The following DOCK8 variants were observed in gnomAD, a reference collection of about 807,000 sequenced individuals.
DOCK8 encodes the protein dedicator of cytokinesis protein 8.
DOCK8 carries 141 observed loss-of-function variants against 245.6 expected under a neutral mutation model. That is an observed-to-expected ratio of 0.57 (90% CI 0.50 to 0.66). The LOEUF is 0.66. Ranked by LOEUF, DOCK8 falls within the 30% of genes least tolerant of loss-of-function variation. The pLI, the probability that DOCK8 is intolerant of heterozygous loss-of-function variation, is 0.00. For synonymous variants in DOCK8, 1,168 were observed against 970.2 expected, an observed-to-expected ratio of 1.20 and a Z score of -3.79; for missense variants, 2,965 against 2,603.4, an observed-to-expected ratio of 1.14 and a Z score of -3.02.
At chr9:348,438 A>G (rs1244046598) in intron 14 of DOCK8, among the ~76,000 whole-genome samples, 1 of 152,188 alleles carries the variant, frequency 6.6e-6, no homozygotes, top group East Asian at 1.9e-4. Flanking sequence ...TACAGCCCAT[A>G]TAGAACGGTC....
intron 4 of DOCK8, among the ~76,000 whole-genome samples, chr9:293,603 T>C (rs1417361176): frequency 6.6e-6 from 1 of 152,212 alleles, no homozygotes; most frequent in African/African-American, 2.4e-5. Flanking sequence ...TGCAACACCT[T>C]CTTATCTTTA....
chr9:281,456 G>A (rs2048581575), intron 2 of DOCK8, among the ~76,000 whole-genome samples: 1 of 152,126 alleles, frequency 6.6e-6, no homozygotes, highest in South Asian at 2.1e-4. Context: ...TAATTTTCAT[G>A]TTTGGCTTTT....
At chr9:365,444 C>G (rs941070732) in intron 14 of DOCK8, 4 of 376,766 alleles carry the variant, frequency 1.1e-5, no homozygotes, top group African/African-American at 4.3e-5. Context: ...AGAGTTTGTA[C>G]TTGATAAGGT....
chr9:225,852 AG>A (rs1281062907), intron 1 of DOCK8, among the ~76,000 whole-genome samples: 1 of 152,156 alleles, frequency 6.6e-6, no homozygotes, highest in African/African-American at 2.4e-5. Context: ...AAGATCAAGC[AG>A]GGGAATGACG....
chr9:400,261 A>AGCT (rs2054807836), intron 26 of DOCK8, among the ~76,000 whole-genome samples: 4 of 75,912 alleles, frequency 5.3e-5, no homozygotes, highest in Admixed American at 2.7e-4. Flanking sequence ...CATCACCACC[A>AGCT]CCTCCACCAT....
intron 4 of DOCK8, among the ~76,000 whole-genome samples, chr9:301,699 C>G (rs1327484706): frequency 3.3e-5 from 5 of 152,172 alleles, no homozygotes; most frequent in African/African-American, 1.2e-4. Flanking sequence ...TTTCCACACA[C>G]CAATAATGTC....
chr9:280,712 A>G (rs556869392), intron 2 of DOCK8: 2 of 152,208 alleles, frequency 1.3e-5, no homozygotes, highest in South Asian at 2.1e-4. Context: ...TCACAGAAGC[A>G]CCTAAATGAC....
upstream of DOCK8, chr9:213,900 T>G (rs1233547449): frequency 2.0e-5 from 3 of 151,800 alleles, no homozygotes; most frequent in Non-Finnish European, 4.4e-5. Flanking sequence ...GCTAATTTTT[T>G]GTATTTTAGT....
Position 399,505 on chromosome 9 carries a change from TAAA to T in DOCK8, c.3234+248_3234+250del, listed in dbSNP as rs111424934. On this transcript the variant is annotated intron_variant, in intron 26 of 47. Transcript: ENST00000432829. ...GGTCAACAGATTCATCTGTGGGAAT[TAAA>T]ATTTGTGATATGATCTGAATCTTCA... is the stretch of plus-strand genomic sequence containing the variant. Among the ~76,000 whole-genome samples the T allele has an allele frequency of 0.083, 12,613 of 152,062 alleles. 1,019 individuals are homozygous for T. The highest frequency in any genetic ancestry group is 0.22 in the African/African-American group (8,934 of 41,382).
intron 43 of DOCK8, 57 bp downstream of exon 43, chr9:443,573 C>G: frequency 7.5e-7 from 1 of 1,330,040 alleles, no homozygotes; most frequent in Non-Finnish European, 1.1e-6. Context: ...CGTTCTCTAC[C>G]CAAGAATACC....
intron 16 of DOCK8, 27 bp from the exon 17 acceptor site, chr9:371,401 T>C: frequency 1.9e-6 from 3 of 1,614,076 alleles, no homozygotes; most frequent in Non-Finnish European, 1.7e-6. Flanking sequence ...CTAAAAGTTA[T>C]TTGTGTATAA....
In DOCK8 at chr9:464,245, C is replaced by A. The variant is rs2057903823; in HGVS notation, c.*26C>A. ...GAAAAGCCATCTTCATTCGTGGAGA[C>A]TGTGGCCCTGCAACCCTGGAGAAGG... is the stretch of plus-strand genomic sequence containing the variant. On this transcript the variant is annotated 3_prime_UTR_variant, in exon 48 of 48. Transcript: ENST00000432829. The A allele has an allele frequency of 6.2e-7, 1 of 1,600,166 alleles. No homozygotes were observed.
intron 33 of DOCK8, among the ~76,000 whole-genome samples, chr9:424,418 T>C (rs1022143864): frequency 6.6e-6 from 1 of 152,086 alleles, no homozygotes; most frequent in African/African-American, 2.4e-5. Flanking sequence ...TTTTTTTCTT[T>C]TCTTTTTTTG....
Position 407,061 on chromosome 9 carries a change from A to C in DOCK8, c.3522A>C (p.Glu1174Asp). The change falls in exon 28 of 48, where the codon GAA (glutamate) becomes GAC (aspartate). Residue 1174 changes from glutamate (E) to aspartate (D), a missense_variant. By Grantham distance (45) the Glu-to-Asp change is conservative. Transcript: ENST00000432829. Reference protein sequence around the residue: ...FTELAAALDAEGEGISKVQRK... With the variant: ...FTELAAALDADGEGISKVQRK... ...AACTGGCTGCTGCCCTGGATGCCGAAGGGGAAGGGTATGTTTCTGGCATTT... is the reference window on the plus strand; with the variant it reads ...AACTGGCTGCTGCCCTGGATGCCGACGGGGAAGGGTATGTTTCTGGCATTT... 6.2e-7 allele frequency: 1 copy of C among 1,614,108 alleles called. No homozygotes were observed. Among genetic ancestry groups the C allele is most frequent in the East Asian group, 2.2e-5 (1 of 44,894 alleles).
intron 36 of DOCK8, 36 bp from the exon 37 acceptor site, chr9:432,130 T>C (rs548654965): frequency 5.7e-6 from 9 of 1,582,022 alleles, no homozygotes; most frequent in South Asian, 5.6e-5. Context: ...GTGTGTCTTA[T>C]TTACTTCATC....
At chr9:320,140 G>C (rs1217895984) in intron 7 of DOCK8, among the ~76,000 whole-genome samples, 4 of 149,958 alleles carry the variant, frequency 2.7e-5, no homozygotes, top group Non-Finnish European at 4.4e-5. Flanking sequence ...GAGATGGCTG[G>C]GCTCAAAACC....
chr9:304,263 C>CACTAG (rs1341338575), intron 4 of DOCK8, among the ~76,000 whole-genome samples: 3 of 152,200 alleles, frequency 2.0e-5, no homozygotes, highest in Non-Finnish European at 2.9e-5. Flanking sequence ...CAGCCACTTA[C>CACTAG]ACTAGGGTCA....
chr9:427,000 C>G lies in DOCK8; in HGVS notation c.4338+19C>G. 1 of 1,595,412 alleles carries G rather than the reference C, an allele frequency of 6.3e-7. No individual in the cohort carries two copies. Among genetic ancestry groups the G allele is most frequent in the Non-Finnish European group, 8.6e-7 (1 of 1,163,520 alleles). On this transcript the variant is annotated intron_variant, in intron 34 of 47. Transcript: ENST00000432829. ...TATCCAGGTGAGGAAAACAAACACC[C>G]AATCTGATTTGTTGGCCATGAATAT...
At chr9:262,741 G>A (rs958204516) in intron 1 of DOCK8, among the ~76,000 whole-genome samples, 11 of 151,570 alleles carry the variant, frequency 7.3e-5, no homozygotes, top group Admixed American at 6.6e-5. Flanking sequence ...GGGTCTATAC[G>A]TATGTCAAAG....
Sources: allele counts gnomAD v4.1 joint callset (sites outside exome capture counted in the v4.1 genomes callset), GRCh38; gene constraint gnomAD v4.1.1; transcripts MANE v1.5; gene names NCBI Gene and HGNC (gene_info 2026-07-23, HGNC 2026-07-21).